FUT9: variants seen among roughly 807,000 people sequenced by gnomAD.
The protein encoded by FUT9 is 4-galactosyl-N-acetylglucosaminide 3-alpha-L-fucosyltransferase 9.
In FUT9, 15 loss-of-function variants were observed where a neutral mutation model predicts 29.7. The ratio of observed to expected loss-of-function variants is 0.51; its 90% CI spans 0.34 to 0.78. The LOEUF (loss-of-function observed/expected upper bound fraction) is 0.78. Ranked by LOEUF, FUT9 falls within the 30% of genes least tolerant of loss-of-function variation. The pLI is 0.01. For missense variants in FUT9, 319 were observed against 425.4 expected, an observed-to-expected ratio of 0.75 and a Z score of 2.20; for synonymous variants, 169 against 153.7, an observed-to-expected ratio of 1.10 and a Z score of -0.74.
rs1773790268 is a variant in FUT9 at position 96,204,472 on chromosome 6, T to C, written c.*237T>C. ...ATGTGCACTGGAGAGTAATTTATTC[T>C]TCATTATCATTTGTAAACATTGTTT... On this transcript the variant is annotated 3_prime_UTR_variant, in exon 3 of 3. Transcript: ENST00000302103. 6.7e-6 allele frequency: 2 copies of C among 297,154 alleles called. No individual in the cohort carries two copies. Among genetic ancestry groups the C allele is most frequent in the East Asian group, 5.9e-5 (1 of 17,030 alleles). The allele number at this position is 297,154 out of a possible 1,614,324, so 18.4% of individuals were successfully genotyped here.
chr6:96,150,356 T>A (rs917300653), intron 2 of FUT9, among the ~76,000 whole-genome samples: 17 of 152,084 alleles, frequency 1.1e-4, no homozygotes, highest in African/African-American at 3.9e-4. Context: ...GAATCCAGCA[T>A]TCCGAGGAAA....
chr6:96,118,866 T>A (rs887925969), intron 2 of FUT9, among the ~76,000 whole-genome samples: 14 of 152,098 alleles, frequency 9.2e-5, no homozygotes, highest in Admixed American at 5.9e-4. Flanking sequence ...TTTTTACAAA[T>A]TTAAAAGGTA....
intron 2 of FUT9, among the ~76,000 whole-genome samples, chr6:96,171,910 T>C (rs1292379235): frequency 6.6e-6 from 1 of 152,194 alleles, no homozygotes; most frequent in Non-Finnish European, 1.5e-5. Context: ...GTAAGACCTT[T>C]TATGGTTCAC....
At chr6:96,098,381 T>C (rs978619914) in intron 1 of FUT9, among the ~76,000 whole-genome samples, 3 of 152,160 alleles carry the variant, frequency 2.0e-5, no homozygotes, top group African/African-American at 7.2e-5. Context: ...CCAGGCAACA[T>C]TTCTTTAATC....
At chr6:96,134,134 T>C (rs1394501275) in intron 2 of FUT9, among the ~76,000 whole-genome samples, 1 of 151,818 alleles carries the variant, frequency 6.6e-6, no homozygotes, top group African/African-American at 2.4e-5. Context: ...TAAAATAGTT[T>C]TCTGTTGTAG....
intron 2 of FUT9, among the ~76,000 whole-genome samples, chr6:96,160,396 A>G (rs1248006601): frequency 6.6e-6 from 1 of 152,178 alleles, no homozygotes; most frequent in Non-Finnish European, 1.5e-5. Flanking sequence ...TTTGATTTCC[A>G]TTACTATCCA....
At chr6:96,164,700 T>C (rs913544671) in intron 2 of FUT9, among the ~76,000 whole-genome samples, 1 of 152,130 alleles carries the variant, frequency 6.6e-6, no homozygotes, top group African/African-American at 2.4e-5. Context: ...AAATGAGGCA[T>C]GTCTGACCAC....
At chr6:96,142,077 C>A (rs1772474120) in intron 2 of FUT9, among the ~76,000 whole-genome samples, 1 of 152,126 alleles carries the variant, frequency 6.6e-6, no homozygotes, top group Admixed American at 6.5e-5. Flanking sequence ...GGATGTTTTG[C>A]TCGTGAATAT....
intron 2 of FUT9, among the ~76,000 whole-genome samples, chr6:96,182,875 A>C (rs999257103): frequency 6.6e-6 from 1 of 152,070 alleles, no homozygotes; most frequent in African/African-American, 2.4e-5. Flanking sequence ...AGGTAATGTG[A>C]TGCCTCCAGA....
chr6:96,087,832 T>G (rs1771343840), intron 1 of FUT9, among the ~76,000 whole-genome samples: 1 of 152,238 alleles, frequency 6.6e-6, no homozygotes, highest in Non-Finnish European at 1.5e-5. Context: ...TTTCCAGTGC[T>G]TATCACTCTT....
At chr6:96,068,264 GA>G (rs1770996736) in intron 1 of FUT9, among the ~76,000 whole-genome samples, 2 of 151,692 alleles carry the variant, frequency 1.3e-5, no homozygotes, top group South Asian at 2.1e-4. Flanking sequence ...TATAAGAAAA[GA>G]AAAAAAGACA....
chr6:96,155,752 A>T (rs1772772275), intron 2 of FUT9, among the ~76,000 whole-genome samples: 1 of 152,126 alleles, frequency 6.6e-6, no homozygotes, highest in Admixed American at 6.5e-5. Flanking sequence ...CACACAAAGG[A>T]ATGACCAAGT....
At chr6:96,176,990 C>A (rs771284000) in intron 2 of FUT9, among the ~76,000 whole-genome samples, 8 of 152,078 alleles carry the variant, frequency 5.3e-5, no homozygotes, top group Non-Finnish European at 1.2e-4. Flanking sequence ...ATACATAAAA[C>A]AAGGGCAATT....
At chr6:96,184,462 C>A (rs1038747442) in intron 2 of FUT9, among the ~76,000 whole-genome samples, 1 of 151,790 alleles carries the variant, frequency 6.6e-6, no homozygotes, top group African/African-American at 2.4e-5. Context: ...TAGTTCTGCT[C>A]TGATCTTGGT....
chr6:96,200,887 C>T (rs760419072), intron 2 of FUT9, among the ~76,000 whole-genome samples: 17 of 152,094 alleles, frequency 1.1e-4, no homozygotes, highest in Admixed American at 7.9e-4. Flanking sequence ...CTTCCATAAA[C>T]GTACTCTTGA....
chr6:96,070,003 A>G (rs986057583), intron 1 of FUT9, among the ~76,000 whole-genome samples: 1 of 152,220 alleles, frequency 6.6e-6, no homozygotes, highest in Non-Finnish European at 1.5e-5. Context: ...AGAAAAAAAT[A>G]TAATGGGCAC....
In FUT9 at chr6:96,211,722, T is replaced by C. The variant is rs1773940842; in HGVS notation, c.*7487T>C. On this transcript the variant is annotated 3_prime_UTR_variant, in exon 3 of 3. Transcript: ENST00000302103. ...AATTTAAAGCTGTACTATGTTAGAA[T>C]AAAAAAGTAGGCTCAAGGAAAATTT... is the stretch of plus-strand genomic sequence containing the variant. The C allele has an allele frequency of 1.7e-5, 3 of 174,908 alleles. No homozygotes were observed. The highest frequency in any genetic ancestry group is 4.1e-4 in the South Asian group (2 of 4,894). The allele number at this position is 174,908 out of a possible 1,614,324, so 10.8% of individuals were successfully genotyped here. A position where few individuals can be genotyped will look rare whatever the true frequency, so the allele number is the denominator to read the frequency against.
intron 1 of FUT9, among the ~76,000 whole-genome samples, chr6:96,032,484 G>T (rs1382734806): frequency 6.6e-6 from 1 of 151,422 alleles, no homozygotes; most frequent in Non-Finnish European, 1.5e-5. Context: ...AAGAAAGGAA[G>T]GATTACTCAA....
At chr6:96,055,703 CTTTTTCTTTT>C (rs1352742041) in intron 1 of FUT9, among the ~76,000 whole-genome samples, 4 of 103,644 alleles carry the variant, frequency 3.9e-5, no homozygotes, top group African/African-American at 9.1e-5. Context: ...TTTTCTATTT[CTTTTTCTTTT>C]TTTTTTTTTT....
Sources: gnomAD v4.1 joint callset for allele counts (sites outside exome capture counted in the v4.1 genomes callset) on GRCh38, gnomAD v4.1.1 for gene constraint, MANE v1.5 for transcripts, NCBI Gene and HGNC (gene_info 2026-07-23, HGNC 2026-07-21) for gene names.